The following SH3PXD2A variants were observed in gnomAD, a reference collection of about 807,000 sequenced individuals.
SH3PXD2A encodes the protein SH3 and PX domain-containing protein 2A.
A neutral mutation model predicts 115.2 loss-of-function variants in SH3PXD2A; 32 were observed. The ratio of observed to expected loss-of-function variants is 0.28; its 90% CI spans 0.21 to 0.37. The LOEUF (loss-of-function observed/expected upper bound fraction) is 0.37, where lower values mean the gene tolerates loss of function less well. SH3PXD2A is among the 10% of genes least tolerant of loss of function. The pLI, the probability that SH3PXD2A is intolerant of heterozygous loss-of-function variation, is 1.00. For synonymous variants in SH3PXD2A, 610 were observed against 629.1 expected (o/e 0.97, Z 0.45); for missense variants, 1,328 against 1,498.7 (o/e 0.89, Z 1.88).
chr10:103,778,024 G>A (rs11191804), intron 2 of SH3PXD2A, among the ~76,000 whole-genome samples: 28,754 of 152,086 alleles, frequency 0.19, 3,320 homozygotes, highest in African/African-American at 0.32. Flanking sequence ...CCTCCATGGT[G>A]GCTGAAGTTA....
intron 1 of SH3PXD2A, among the ~76,000 whole-genome samples, chr10:103,810,293 C>T (rs982627676): frequency 1.3e-5 from 2 of 152,208 alleles, no homozygotes; most frequent in African/African-American, 2.4e-5. Context: ...GTGCTGACCT[C>T]GCGCCTGGTT....
chr10:103,783,937 A>G (rs2038956696), intron 2 of SH3PXD2A, among the ~76,000 whole-genome samples: 1 of 152,122 alleles, frequency 6.6e-6, no homozygotes, highest in Non-Finnish European at 1.5e-5. Flanking sequence ...CCTTCTAATG[A>G]GGCTCTCCTT....
At chr10:103,761,419 T>A (rs770816634) in intron 3 of SH3PXD2A, among the ~76,000 whole-genome samples, 1 of 152,180 alleles carries the variant, frequency 6.6e-6, no homozygotes, top group Non-Finnish European at 1.5e-5. Flanking sequence ...TTTAAAAAAA[T>A]GCTGTTAGGA....
intron 6 of SH3PXD2A, among the ~76,000 whole-genome samples, chr10:103,683,272 G>A (rs905934354): frequency 1.3e-5 from 2 of 152,140 alleles, no homozygotes; most frequent in African/African-American, 4.8e-5. Flanking sequence ...TAGCATTCTG[G>A]GAGGCTGAGG....
intron 6 of SH3PXD2A, among the ~76,000 whole-genome samples, chr10:103,674,601 C>G (rs2037504141): frequency 6.6e-6 from 1 of 152,194 alleles, no homozygotes; most frequent in Non-Finnish European, 1.5e-5. Context: ...GCAGGCAGAT[C>G]AGGAGGTCAG....
chr10:103,719,256 T>C (rs1254340467), intron 5 of SH3PXD2A, among the ~76,000 whole-genome samples: 1 of 151,910 alleles, frequency 6.6e-6, no homozygotes, highest in Non-Finnish European at 1.5e-5. Context: ...GGGGAGCGGG[T>C]GCTGACGAGG....
intron 3 of SH3PXD2A, among the ~76,000 whole-genome samples, chr10:103,759,067 G>A (rs1284301167): frequency 1.3e-5 from 2 of 152,132 alleles, no homozygotes; most frequent in Non-Finnish European, 2.9e-5. Context: ...AGCGGGCCAC[G>A]GACCAGCTCT....
Position 103,598,610 on chromosome 10 carries a change from G to A in SH3PXD2A, c.*3206C>T, listed in dbSNP as rs2036170876. On this transcript the variant is annotated 3_prime_UTR_variant, in exon 15 of 15. Transcript: ENST00000369774. ...GGAAACTAGGTTTGGACACTGCGGAGATTTTGTTTTTCTTTTTCCTTTTTT... is the reference window on the plus strand; with the variant it reads ...GGAAACTAGGTTTGGACACTGCGGAAATTTTGTTTTTCTTTTTCCTTTTTT... 6.6e-6 allele frequency: 1 copy of A among 152,650 alleles called. No homozygotes were observed. Among genetic ancestry groups the A allele is most frequent in the African/African-American group, 2.4e-5 (1 of 41,442 alleles). The allele number at this position is 152,650 out of a possible 1,614,324, so 9.5% of individuals were successfully genotyped here.
rs1386471169 is a variant in SH3PXD2A, at chr10:103,607,147, G to GC, written c.1309-1231dup. Among the ~76,000 whole-genome samples, 13 of 141,490 alleles carry GC rather than the reference G, an allele frequency of 9.2e-5. 1 individual carries two copies. In the South Asian group the frequency reaches 3.0e-3, roughly 32 times the overall value. 92.8% of individuals were successfully genotyped at this position (141,490 alleles called of 152,430 possible). ...ATGTGGGGAGTGCCTCTGCCCTGCC[G>GC]CCCCGTCTGGGATGTGAGGAGCGCC... On this transcript the variant is annotated intron_variant, in intron 13 of 14. Transcript: ENST00000369774.
intron 5 of SH3PXD2A, among the ~76,000 whole-genome samples, chr10:103,717,584 GCCCT>G (rs2038120371): frequency 6.6e-6 from 1 of 152,176 alleles, no homozygotes; most frequent in East Asian, 1.9e-4. Flanking sequence ...GGATCCTGGG[GCCCT>G]ACGGCCAGAT....
Position 103,622,552 on chromosome 10 carries a change from C to T in SH3PXD2A, c.720G>A (p.Val240=). 6.5e-7 allele frequency: 1 copy of T among 1,549,278 alleles called. No homozygotes were observed. The highest frequency in any genetic ancestry group is 8.7e-7 in the Non-Finnish European group (1 of 1,145,996). Residue 240 remains valine (V), a splice_region_variant and synonymous_variant, in exon 10 of 15, where the codon GTG becomes GTA. Transcript: ENST00000369774. ...GCAGATGGGCCTTGCGTCTCTTGGA[C>T]ACTGGTGTGGGAGATGGCGATGGAG... ...SDINTSKTGE[V]SKRRKAHLRR...
chr10:103,831,892 T>C (rs188366902), intron 1 of SH3PXD2A, among the ~76,000 whole-genome samples: 50 of 152,374 alleles, frequency 3.3e-4, no homozygotes, highest in African/African-American at 1.0e-3. Flanking sequence ...GGGCATTTCA[T>C]ATGAATATAA....
chr10:103,776,909 G>A (rs11813676), intron 2 of SH3PXD2A, among the ~76,000 whole-genome samples: 3,010 of 152,266 alleles, frequency 0.02, 104 homozygotes, highest in African/African-American at 0.069. Context: ...ATTTTGGGAG[G>A]AATACATAAA....
Position 103,603,326 on chromosome 10 carries a change from T to G in SH3PXD2A, c.1892A>C (p.Asp631Ala), listed in dbSNP as rs1405548785. The change falls in exon 15 of 15, where the codon GAC (aspartate) becomes GCC (alanine). Residue 631 changes from aspartate (D) to alanine (A), a missense_variant. Physicochemically the swap from Asp to Ala is moderately radical, Grantham distance 126. Coordinates refer to ENST00000369774, the MANE Select transcript of SH3PXD2A (RefSeq NM_001394015.1). ...ENEGFRPYAE[D>A]TLSARGSSGD... ...GGAGGAGCCTCTGGCTGACAGGGTG[T>G]CCTCTGCATATGGCCGGAAGCCCTC... is the stretch of plus-strand genomic sequence containing the variant. The G allele has an allele frequency of 2.5e-6, 4 of 1,614,016 alleles. No individual in the cohort carries two copies. Among genetic ancestry groups the G allele is most frequent in the Non-Finnish European group, 3.4e-6 (4 of 1,180,032 alleles).
chr10:103,774,943 G>C (rs1393129750), intron 2 of SH3PXD2A, among the ~76,000 whole-genome samples: 1 of 152,148 alleles, frequency 6.6e-6, no homozygotes, highest in African/African-American at 2.4e-5. Flanking sequence ...TGGACGCCTG[G>C]AGTGTTATGC....
rs769851091 is a variant in SH3PXD2A at position 103,627,222 on chromosome 10, G to C, written c.605-20C>G. 2.8e-6 allele frequency: 4 copies of C among 1,452,470 alleles called. No homozygotes were observed. In the South Asian group the frequency reaches 4.6e-5, roughly 17 times the overall value. 90.0% of individuals were successfully genotyped at this position (1,452,470 alleles called of 1,614,324 possible). A position where few individuals can be genotyped will look rare whatever the true frequency, so the allele number is the denominator to read the frequency against. On this transcript the variant is annotated intron_variant, in intron 8 of 14. Coordinates refer to ENST00000369774, the MANE Select transcript of SH3PXD2A (RefSeq NM_001394015.1). The surrounding 1 kb of genome is among the most constrained non-coding windows in gnomAD (Gnocchi z 4.4). ...ACCAGCCTGCAGGGAGGACAAGAGA[G>C]AACAGGACTGTGAGATTCTGCAGGG...
At chr10:103,660,956 TGGACGG>T in intron 8 of SH3PXD2A, 21 bp downstream of exon 8, 1 of 1,612,638 alleles carries the variant, frequency 6.2e-7, no homozygotes, top group Non-Finnish European at 8.5e-7. Context: ...GGAACCCCAG[TGGACGG>T]CCATTGGCCA....
intron 8 of SH3PXD2A, among the ~76,000 whole-genome samples, chr10:103,648,371 C>T (rs977395411): frequency 6.6e-6 from 1 of 152,074 alleles, no homozygotes; most frequent in African/African-American, 2.4e-5. Context: ...GGGGAGGGGG[C>T]CAAGGAAAAC....
rs369409121 is a variant in SH3PXD2A, at chr10:103,794,741, T to C, written c.153+6541A>G. On this transcript the variant is annotated intron_variant, in intron 2 of 14. Transcript: ENST00000369774. ...TTCCTGGTCAGATAGGGCTGAGTGG[T>C]GAGTTATTTTTAGAAGAAACCAATT... is the stretch of plus-strand genomic sequence containing the variant. Among the ~76,000 whole-genome samples, 16 of 152,108 alleles carry C rather than the reference T, an allele frequency of 1.1e-4. 1 individual carries two copies. The East Asian group carries it at 3.1e-3, about 29-fold the overall frequency.
Sources: gnomAD v4.1 joint callset for allele counts (sites outside exome capture counted in the v4.1 genomes callset) on GRCh38, gnomAD v4.1.1 for gene constraint, Gnocchi (gnomAD v3.1) non-coding constraint, MANE v1.5 for transcripts, NCBI Gene and HGNC (gene_info 2026-07-23, HGNC 2026-07-21) for gene names.